ASIC2: variants seen among roughly 807,000 people sequenced by gnomAD.
The protein encoded by ASIC2 is acid sensing ion channel subunit 2, also known as acid-sensing ion channel 2.
ASIC2 carries 25 observed loss-of-function variants against 57.3 expected under a neutral mutation model. The observed-to-expected ratio is 0.44, with a 90% CI of 0.32 to 0.61. The LOEUF is 0.61. Ranked by LOEUF, ASIC2 falls within the 20% of genes least tolerant of loss-of-function variation. The pLI, the probability that ASIC2 is intolerant of heterozygous loss-of-function variation, is 0.06. For synonymous variants in ASIC2, 319 were observed against 307.5 expected, an observed-to-expected ratio of 1.04 and a Z score of -0.39; for missense variants, 641 against 738.1, an observed-to-expected ratio of 0.87 and a Z score of 1.52.
In ASIC2 at chr17:34,099,144, GACAGAGAGAGAGAGAGAGAGAA is replaced by G. The variant is rs1193932821; in HGVS notation, c.555+56812_555+56833del. ...AGAGAGAGAGAGAGAGAGAGAGAGAGACAGAGAGAGAGAGAGAGAGAAAGAAAGAAAGAAAGAAAGAAAGAAA... is the reference window on the plus strand; with the variant it reads ...AGAGAGAGAGAGAGAGAGAGAGAGAGAGAAAGAAAGAAAGAAAGAAAGAAA... On this transcript the variant is annotated intron_variant, in intron 1 of 9. Coordinates refer to the ASIC2 transcript ENST00000359872. 2.4e-3 allele frequency among the ~76,000 whole-genome samples: 50 copies of G among 20,444 alleles called. 1 individual carries two copies. Among genetic ancestry groups the G allele is most frequent in the African/African-American group, 5.7e-3 (49 of 8,634 alleles). The allele number at this position is 20,444 out of a possible 152,430, so 13.4% of individuals were successfully genotyped here. A position where few individuals can be genotyped will look rare whatever the true frequency, so the allele number is the denominator to read the frequency against.
chr17:33,820,934 A>G (rs979697195), intron 1 of ASIC2, among the ~76,000 whole-genome samples: 4 of 152,228 alleles, frequency 2.6e-5, no homozygotes, highest in African/African-American at 4.8e-5. Flanking sequence ...GCTACTGCTG[A>G]TGTAGACCAC....
At chr17:33,217,531 C>G (rs1051343580) in intron 1 of ASIC2, among the ~76,000 whole-genome samples, 1 of 152,192 alleles carries the variant, frequency 6.6e-6, no homozygotes, top group Admixed American at 6.5e-5. Context: ...AGTACTTGCC[C>G]TTTCCCATAG....
At chr17:33,097,109 C>T (rs942312578) in intron 2 of ASIC2, among the ~76,000 whole-genome samples, 1 of 152,262 alleles carries the variant, frequency 6.6e-6, no homozygotes, top group Non-Finnish European at 1.5e-5. Flanking sequence ...TTTTTGCCCC[C>T]TGCCATGTGG....
Position 34,156,696 on chromosome 17 carries a change from G to T in ASIC2, c.-164C>A. ...TATCCTGAGAGCCCAGCCGCACGCT[G>T]ACAGGGGTGAGTGTTTATATAAAAC... is the stretch of plus-strand genomic sequence containing the variant. On this transcript the variant is annotated 5_prime_UTR_variant, in exon 1 of 10. Coordinates refer to the ASIC2 transcript ENST00000359872. This position sits in a 1 kb window ranked among gnomAD's most constrained non-coding sequence, Gnocchi z 4.4. 1 of 682,462 alleles carries T rather than the reference G, an allele frequency of 1.5e-6. No homozygotes were observed. The highest frequency in any genetic ancestry group is 2.4e-6 in the Non-Finnish European group (1 of 414,376). 42.3% of individuals were successfully genotyped at this position (682,462 alleles called of 1,614,324 possible). A position where few individuals can be genotyped will look rare whatever the true frequency, so the allele number is the denominator to read the frequency against.
chr17:33,409,673 G>C (rs1346529017), intron 1 of ASIC2, among the ~76,000 whole-genome samples: 1 of 152,168 alleles, frequency 6.6e-6, no homozygotes, highest in African/African-American at 2.4e-5. Context: ...CTGAAGTTCT[G>C]GTAAAGGAGA....
intron 1 of ASIC2, among the ~76,000 whole-genome samples, chr17:33,267,190 C>A (rs1331737966): frequency 6.6e-6 from 1 of 152,054 alleles, no homozygotes; most frequent in Non-Finnish European, 1.5e-5. Context: ...ACACACATGC[C>A]CACATAAACA....
intron 1 of ASIC2, among the ~76,000 whole-genome samples, chr17:33,834,985 C>T (rs2141903549): frequency 6.6e-6 from 1 of 152,238 alleles, no homozygotes; most frequent in African/African-American, 2.4e-5. Context: ...CGTGCTCATT[C>T]ATATTTTCAA....
chr17:34,087,423 G>C (rs1239196195), intron 1 of ASIC2, among the ~76,000 whole-genome samples: 1 of 152,060 alleles, frequency 6.6e-6, no homozygotes, highest in African/African-American at 2.4e-5. Flanking sequence ...TTAGTCTGAT[G>C]GGCTTCCCTT....
chr17:33,284,053 A>AC (rs1237893732), intron 1 of ASIC2, among the ~76,000 whole-genome samples: 1 of 152,188 alleles, frequency 6.6e-6, no homozygotes, highest in East Asian at 1.9e-4. Context: ...AAAATAATGA[A>AC]TGTAAAAGTG....
At chr17:33,366,390 T>A (rs1390649633) in intron 1 of ASIC2, among the ~76,000 whole-genome samples, 3 of 152,212 alleles carry the variant, frequency 2.0e-5, no homozygotes, top group Non-Finnish European at 4.4e-5. Flanking sequence ...CTAGATGCTC[T>A]CAGCTCTTTG....
At chr17:33,252,468 A>G (rs1195846547) in intron 1 of ASIC2, among the ~76,000 whole-genome samples, 3 of 152,152 alleles carry the variant, frequency 2.0e-5, no homozygotes. Context: ...GCCTGCCAGG[A>G]AAGGACAATG....
intron 1 of ASIC2, among the ~76,000 whole-genome samples, chr17:33,226,829 C>A (rs1343716626): frequency 6.6e-6 from 1 of 152,012 alleles, no homozygotes; most frequent in African/African-American, 2.4e-5. Context: ...AAAAGAGTCT[C>A]ATGTGTAATT....
chr17:33,612,223 G>A (rs895728407), intron 1 of ASIC2, among the ~76,000 whole-genome samples: 1 of 152,132 alleles, frequency 6.6e-6, no homozygotes, highest in Non-Finnish European at 1.5e-5. Flanking sequence ...CACCCTCACA[G>A]ACACACTAAA....
At chr17:33,079,894 A>T (rs1426119683) in intron 3 of ASIC2, among the ~76,000 whole-genome samples, 1 of 152,130 alleles carries the variant, frequency 6.6e-6, no homozygotes, top group Non-Finnish European at 1.5e-5. Flanking sequence ...GGGGATTTGC[A>T]CTCCGGCCAT....
chr17:33,741,185 T>TC (rs1430567321), intron 1 of ASIC2, among the ~76,000 whole-genome samples: 1 of 152,212 alleles, frequency 6.6e-6, no homozygotes, highest in Non-Finnish European at 1.5e-5. Context: ...TTTATTTTTT[T>TC]CACTATGTTT....
At chr17:33,426,443 T>C in intron 1 of ASIC2, among the ~76,000 whole-genome samples, 1 of 152,210 alleles carries the variant, frequency 6.6e-6, no homozygotes, top group Middle Eastern at 3.2e-3. Flanking sequence ...GGCAAACTCT[T>C]GACCACCACA....
chr17:33,217,236 G>C (rs1363065702), intron 1 of ASIC2, among the ~76,000 whole-genome samples: 2 of 152,162 alleles, frequency 1.3e-5, no homozygotes, highest in Non-Finnish European at 2.9e-5. Context: ...AATGGATGTG[G>C]GATATGAAGG....
intron 1 of ASIC2, among the ~76,000 whole-genome samples, chr17:34,058,728 TTAAGA>T (rs1446505263): frequency 1.3e-5 from 2 of 152,054 alleles, no homozygotes; most frequent in Non-Finnish European, 2.9e-5. Flanking sequence ...ATGCAGATAC[TTAAGA>T]TAGGAGGGGA....
chr17:33,534,765 G>A (rs544456170), intron 1 of ASIC2: 17 of 152,248 alleles, frequency 1.1e-4, no homozygotes, highest in African/African-American at 4.1e-4. Flanking sequence ...CTATACCGAG[G>A]GGCACCTCTA....
Sources: allele counts gnomAD v4.1 joint callset (sites outside exome capture counted in the v4.1 genomes callset), GRCh38; gene constraint gnomAD v4.1.1; non-coding constraint Gnocchi (gnomAD v3.1); transcripts MANE v1.5; gene names NCBI Gene and HGNC (gene_info 2026-07-23, HGNC 2026-07-21).